VTI1A: variants seen among roughly 807,000 people sequenced by gnomAD.
VTI1A encodes vesicle transport through interaction with t-SNAREs homolog 1A.
A neutral mutation model predicts 34.9 loss-of-function variants in VTI1A; 22 were observed. The observed-to-expected ratio is 0.63, with a 90% CI of 0.45 to 0.90. The LOEUF is 0.90. Ranked by LOEUF, VTI1A falls within the 40% of genes least tolerant of loss-of-function variation. VTI1A has a pLI of 0.00. For missense variants in VTI1A, 268 were observed against 275.6 expected, an observed-to-expected ratio of 0.97 and a Z score of 0.20; for synonymous variants, 87 against 97.3, an observed-to-expected ratio of 0.89 and a Z score of 0.62.
intron 7 of VTI1A, among the ~76,000 whole-genome samples, chr10:112,762,633 G>A (rs893359719): frequency 2.6e-5 from 4 of 152,166 alleles, no homozygotes; most frequent in African/African-American, 9.6e-5. Context: ...AAGGACTACA[G>A]GTCATTGTAA....
intron 3 of VTI1A, among the ~76,000 whole-genome samples, chr10:112,509,723 C>T (rs772833832): frequency 3.2e-4 from 49 of 152,162 alleles, no homozygotes; most frequent in Non-Finnish European, 6.5e-4. Context: ...AGAGTCCTCA[C>T]GTCTGTGAAG....
At chr10:112,589,327 T>C (rs1301447942) in intron 5 of VTI1A, among the ~76,000 whole-genome samples, 2 of 152,148 alleles carry the variant, frequency 1.3e-5, no homozygotes, top group African/African-American at 4.8e-5. Flanking sequence ...GCATGAGATC[T>C]GATGATTGGA....
At chr10:112,620,518 C>T (rs1274377663) in intron 5 of VTI1A, among the ~76,000 whole-genome samples, 2 of 152,000 alleles carry the variant, frequency 1.3e-5, no homozygotes, top group African/African-American at 2.4e-5. Context: ...TGGCTGGGCG[C>T]GGTGGCTCAC....
chr10:112,761,770 C>CTCTGTGTGTG (rs140047735), intron 7 of VTI1A, among the ~76,000 whole-genome samples: 2 of 145,826 alleles, frequency 1.4e-5, no homozygotes, highest in African/African-American at 5.0e-5. Flanking sequence ...CTTTCTTTCT[C>CTCTGTGTGTG]TGTGTGTGTG....
chr10:112,538,282 A>G lies in VTI1A; in HGVS notation c.379A>G (p.Arg127Gly), dbSNP rs1044031948. 6.2e-7 allele frequency: 1 copy of G among 1,613,754 alleles called. No homozygotes were observed. Reference protein sequence around the residue: ...HLLDNTERLERSSRRLEAGYQ... With the variant: ...HLLDNTERLEGSSRRLEAGYQ... ...GCTCGATAACACAGAGAGGCTGGAA[A>G]GGTCATCTCGGAGACTAGAGGCTGG... The change falls in exon 5 of 8, where the codon AGG (arginine) becomes GGG (glycine). Residue 127 changes from arginine (R) to glycine (G), a missense_variant. Physicochemically the swap from Arg to Gly is moderately radical, Grantham distance 125 (BLOSUM62 -2). Coordinates refer to ENST00000393077, the MANE Select transcript of VTI1A (RefSeq NM_145206.4).
chr10:112,469,521 A>G (rs1481158702), intron 3 of VTI1A, among the ~76,000 whole-genome samples: 2 of 152,348 alleles, frequency 1.3e-5, no homozygotes, highest in Non-Finnish European at 2.9e-5. Flanking sequence ...AGACAGTTAG[A>G]TAATTTACTG....
intron 3 of VTI1A, among the ~76,000 whole-genome samples, chr10:112,518,104 C>A (rs565479070): frequency 6.6e-6 from 1 of 152,050 alleles, no homozygotes; most frequent in East Asian, 1.9e-4. Flanking sequence ...ACTAGGAAGT[C>A]ATTGGTGATC....
intron 5 of VTI1A, among the ~76,000 whole-genome samples, chr10:112,587,560 T>C (rs944661299): frequency 6.6e-6 from 1 of 152,164 alleles, no homozygotes; most frequent in Non-Finnish European, 1.5e-5. Flanking sequence ...ACAGAATTTC[T>C]AAAATTTGAT....
chr10:112,636,194 T>C (rs1246824624), intron 5 of VTI1A, among the ~76,000 whole-genome samples: 1 of 152,226 alleles, frequency 6.6e-6, no homozygotes, highest in Non-Finnish European at 1.5e-5. Context: ...AGGCTGACTC[T>C]TTCACTACAA....
chr10:112,626,786 C>T (rs1275464581), intron 5 of VTI1A, among the ~76,000 whole-genome samples: 1 of 152,102 alleles, frequency 6.6e-6, no homozygotes, highest in African/African-American at 2.4e-5. Flanking sequence ...CCTGCATTTG[C>T]CATCTTCCAG....
chr10:112,835,396 C>A, the VTI1A span, among the ~76,000 whole-genome samples: 3 of 152,118 alleles, frequency 2.0e-5, no homozygotes, highest in Non-Finnish European at 4.4e-5. Context: ...ATCTGGGGGG[C>A]CTTCGAGGAG....
chr10:112,585,144 A>G (rs565383836), intron 5 of VTI1A, among the ~76,000 whole-genome samples: 1 of 152,344 alleles, frequency 6.6e-6, no homozygotes, highest in Non-Finnish European at 1.5e-5. Flanking sequence ...AGGGCCACAC[A>G]GAAGAAAATG....
chr10:112,510,007 C>T (rs761036763), intron 3 of VTI1A, among the ~76,000 whole-genome samples: 14 of 152,268 alleles, frequency 9.2e-5, no homozygotes, highest in Non-Finnish European at 1.6e-4. Context: ...ATTTATAGAA[C>T]GCCAAAATCT....
At chr10:112,575,981 C>A (rs1843691797) in intron 5 of VTI1A, among the ~76,000 whole-genome samples, 1 of 151,368 alleles carries the variant, frequency 6.6e-6, no homozygotes, top group Non-Finnish European at 1.5e-5. Flanking sequence ...GTATCTTTTG[C>A]CCATTCCCAC....
chr10:112,503,583 G>A (rs187883445), intron 3 of VTI1A, among the ~76,000 whole-genome samples: 14 of 152,170 alleles, frequency 9.2e-5, no homozygotes, highest in East Asian at 5.8e-4. Context: ...AAATGTCTTC[G>A]TTAAATAAAT....
At chr10:112,666,450 T>G (rs2133831385) in intron 5 of VTI1A, among the ~76,000 whole-genome samples, 1 of 152,318 alleles carries the variant, frequency 6.6e-6, no homozygotes, top group Middle Eastern at 3.4e-3. Flanking sequence ...TCTGTAACAC[T>G]TCTTTAACTG....
the VTI1A span, among the ~76,000 whole-genome samples, chr10:112,838,664 G>A: frequency 3.9e-5 from 6 of 152,124 alleles, no homozygotes; most frequent in African/African-American, 1.4e-4. Flanking sequence ...GGGCAAGAAC[G>A]GGGGCACAGA....
Position 112,720,633 on chromosome 10 carries a change from ACG to A in VTI1A, c.560+51636_560+51637del, listed in dbSNP as rs748059504. On this transcript the variant is annotated intron_variant, in intron 7 of 7. Coordinates refer to ENST00000393077, the MANE Select transcript of VTI1A (RefSeq NM_145206.4). ...GGGAGGGATTTTCAAACAAATGTATACGTTGAAGATGTTCTTTTTACCATGGT... is the reference window on the plus strand; with the variant it reads ...GGGAGGGATTTTCAAACAAATGTATATTGAAGATGTTCTTTTTACCATGGT... Among the ~76,000 whole-genome samples, 43 of 106,952 alleles carry A rather than the reference ACG, an allele frequency of 4.0e-4. No individual in the cohort carries two copies. The South Asian group carries it at 0.011, about 27-fold the overall frequency. The allele number at this position is 106,952 out of a possible 152,430, so 70.2% of individuals were successfully genotyped here.
intron 5 of VTI1A, among the ~76,000 whole-genome samples, chr10:112,543,010 T>C (rs1850926647): frequency 6.6e-6 from 1 of 152,064 alleles, no homozygotes; most frequent in Admixed American, 6.6e-5. Flanking sequence ...CATGAACTCC[T>C]CCTTTTTTAT....
Sources: allele counts gnomAD v4.1 joint callset (sites outside exome capture counted in the v4.1 genomes callset), GRCh38; gene constraint gnomAD v4.1.1; transcripts MANE v1.5; gene names NCBI Gene and HGNC (gene_info 2026-07-23, HGNC 2026-07-21).